The following LRRC53 variants were observed in gnomAD, a reference collection of about 807,000 sequenced individuals.
The protein encoded by LRRC53 is leucine rich repeat containing 53.
In LRRC53, 25 loss-of-function variants were observed where a neutral mutation model predicts 13.6. The ratio of observed to expected loss-of-function variants is 1.83; its 90% CI spans 1.34 to 2.56. The LOEUF is 2.56. LRRC53 is among the 30% of genes most tolerant of loss of function. LRRC53 has a pLI of 0.00. For missense variants in LRRC53, 527 were observed against 275.8 expected (o/e 1.91, Z -6.45); for synonymous variants, 204 against 109.8 (o/e 1.86, Z -5.37).
chr1:74,490,069 A>C (rs1011178784), intron 1 of LRRC53, among the ~76,000 whole-genome samples: 15 of 151,128 alleles, frequency 9.9e-5, no homozygotes, highest in Admixed American at 1.3e-4. Context: ...AAAAAAAAAA[A>C]AAAAAAACTC....
At chr1:74,481,007 A>C in intron 2 of LRRC53, 39 bp from the exon 3 acceptor site, 1 of 670,598 alleles carries the variant, frequency 1.5e-6, no homozygotes, top group Non-Finnish European at 2.8e-6. Flanking sequence ...CAGGGTACAC[A>C]TGAGTGGGAG....
chr1:74,507,423 T>C (rs1276398341), intron 1 of LRRC53, among the ~76,000 whole-genome samples: 2 of 152,144 alleles, frequency 1.3e-5, no homozygotes, highest in Non-Finnish European at 2.9e-5. Flanking sequence ...TGTATGTCAA[T>C]TGCCATACAC....
chr1:74,489,236 C>T, intron 1 of LRRC53: 1 of 1,611,686 alleles, frequency 6.2e-7, no homozygotes, highest in Non-Finnish European at 8.5e-7. Flanking sequence ...AAGAGTGTCT[C>T]TGCAACATTG....
intron 1 of LRRC53, among the ~76,000 whole-genome samples, chr1:74,484,721 A>G (rs1011093027): frequency 6.6e-6 from 1 of 152,172 alleles, no homozygotes; most frequent in Non-Finnish European, 1.5e-5. Context: ...AGAGTAGGGC[A>G]CAGAATCATA....
rs1389658965 is a variant in LRRC53 at position 74,470,670 on chromosome 1, A to G, written c.2952T>C (p.Asn984=). ...KPQISHQIVE[N]CIMDKEENDV... ...CATTTTCTTCCTTATCCATAATACA[A>G]TTTTCCACAATTTGATGTGATATTT... Residue 984 remains asparagine, a synonymous_variant, in exon 5 of 5, where the codon AAT becomes AAC. Coordinates refer to ENST00000294635, the MANE Select transcript of LRRC53 (RefSeq NM_001382280.1). 1.2e-5 allele frequency: 5 copies of G among 400,336 alleles called. No homozygotes were observed. In the East Asian group the frequency reaches 1.4e-4, roughly 11 times the overall value. 24.8% of individuals were successfully genotyped at this position (400,336 alleles called of 1,614,324 possible). A position where few individuals can be genotyped will look rare whatever the true frequency, so the allele number is the denominator to read the frequency against.
chr1:74,484,504 TAAATA>T, intron 1 of LRRC53, among the ~76,000 whole-genome samples: 1 of 152,188 alleles, frequency 6.6e-6, no homozygotes, highest in African/African-American at 2.4e-5. Flanking sequence ...TGCTCTAGAA[TAAATA>T]AAACAAGAAA....
Position 74,475,276 on chromosome 1 carries a change from T to A in LRRC53, c.1420+19A>T. 1 of 627,446 alleles carries A rather than the reference T, an allele frequency of 1.6e-6. No homozygotes were observed. Among genetic ancestry groups the A allele is most frequent in the Non-Finnish European group, 2.9e-6 (1 of 343,850 alleles). 38.9% of individuals were successfully genotyped at this position (627,446 alleles called of 1,614,324 possible). ...AAGAATTAAACGGAGTGGGATTTTC[T>A]AAAACAAGACAAACTCACCTTCTGT... On this transcript the variant is annotated intron_variant, in intron 4 of 4. Coordinates refer to ENST00000294635, the MANE Select transcript of LRRC53 (RefSeq NM_001382280.1).
At position 74,471,019 on chromosome 1, in the gene LRRC53, A is replaced by G. The variant is rs1667901016; in HGVS notation, c.2603T>C (p.Leu868Pro). ...STEQMEDATQ[L>P]ESKVLSYLAT... ...TAAATAACTAAGCACTTTTGATTCA[A>G]GCTGAGTTGCATCTTCCATTTGCTC... The change falls in exon 5 of 5, where the codon CTT (leucine) becomes CCT (proline). Residue 868 changes from leucine (L) to proline (P), a missense_variant. By Grantham distance (98) the Leu-to-Pro change is moderately conservative (BLOSUM62 -3). Transcript: ENST00000294635. 2.5e-6 allele frequency: 1 copy of G among 400,606 alleles called. No individual in the cohort carries two copies. The highest frequency in any genetic ancestry group is 4.4e-6 in the Non-Finnish European group (1 of 226,200). The allele number at this position is 400,606 out of a possible 1,614,324, so 24.8% of individuals were successfully genotyped here. A position where few individuals can be genotyped will look rare whatever the true frequency, so the allele number is the denominator to read the frequency against.
At chr1:74,482,748 T>C (rs1366465220) in intron 2 of LRRC53, among the ~76,000 whole-genome samples, 1 of 152,210 alleles carries the variant, frequency 6.6e-6, no homozygotes, top group African/African-American at 2.4e-5. Flanking sequence ...GCAAGCAATA[T>C]GTAATGAATA....
the LRRC53 span, among the ~76,000 whole-genome samples, chr1:74,532,558 C>T: frequency 1.5e-4 from 23 of 151,930 alleles, no homozygotes; most frequent in Middle Eastern, 6.8e-3. Flanking sequence ...ATGTGCCATG[C>T]TGGTGTGCTG....
chr1:74,509,240 G>A (rs554335604), intron 1 of LRRC53, among the ~76,000 whole-genome samples: 1 of 152,248 alleles, frequency 6.6e-6, no homozygotes, highest in African/African-American at 2.4e-5. Context: ...CCTCAGTCAA[G>A]TTGCCATTTG....
intron 1 of LRRC53, among the ~76,000 whole-genome samples, chr1:74,497,772 C>A (rs1030629670): frequency 6.6e-6 from 1 of 152,106 alleles, no homozygotes; most frequent in South Asian, 2.1e-4. Context: ...TGTAGAACTC[C>A]AATTCTAATT....
At chr1:74,530,978 A>C in the LRRC53 span, among the ~76,000 whole-genome samples, 1 of 152,120 alleles carries the variant, frequency 6.6e-6, no homozygotes, top group Non-Finnish European at 1.5e-5. Flanking sequence ...TTCTCACTGC[A>C]TTTTTCCTTA....
chr1:74,505,164 C>T (rs572409992), intron 1 of LRRC53, among the ~76,000 whole-genome samples: 1 of 152,122 alleles, frequency 6.6e-6, no homozygotes, highest in South Asian at 2.1e-4. Flanking sequence ...TTGGCAGTTG[C>T]GTGTGTGTAC....
chr1:74,506,332 G>A (rs1278239995), intron 1 of LRRC53, among the ~76,000 whole-genome samples: 1 of 152,136 alleles, frequency 6.6e-6, no homozygotes. Flanking sequence ...CTACAAATGA[G>A]AAACTGAAGC....
In LRRC53 at chr1:74,504,320, A is replaced by T. The variant is rs115142318; in HGVS notation, c.-27+8206T>A. On this transcript the variant is annotated intron_variant, in intron 1 of 4. Coordinates refer to ENST00000294635, the MANE Select transcript of LRRC53 (RefSeq NM_001382280.1). ...TTGTTTTTAGCTGCCTTGCTCTCTA[A>T]CGCCATCTAGCAGTCAGTTGCCAAA... 3.9e-3 allele frequency among the ~76,000 whole-genome samples: 599 copies of T among 152,260 alleles called. 7 individuals carry two copies. The highest frequency in any genetic ancestry group is 0.014 in the African/African-American group (584 of 41,556).
chr1:74,521,381 A>C, the LRRC53 span, among the ~76,000 whole-genome samples: 25 of 152,248 alleles, frequency 1.6e-4, no homozygotes, highest in African/African-American at 5.8e-4. Context: ...AAGTCACTTA[A>C]AACAATACCT....
At chr1:74,515,906 C>T (rs981825284), upstream of LRRC53, among the ~76,000 whole-genome samples, 1 of 152,172 alleles carries the variant, frequency 6.6e-6, no homozygotes, top group African/African-American at 2.4e-5. Flanking sequence ...CCCCATAGTG[C>T]CAGTTTACCT....
intron 1 of LRRC53, among the ~76,000 whole-genome samples, chr1:74,495,829 T>C (rs1017370356): frequency 6.6e-6 from 1 of 152,216 alleles, no homozygotes; most frequent in Non-Finnish European, 1.5e-5. Context: ...CAGTTTCTCC[T>C]GGAAGTCAAT....
Sources: allele counts gnomAD v4.1 joint callset (sites outside exome capture counted in the v4.1 genomes callset), GRCh38; gene constraint gnomAD v4.1.1; transcripts MANE v1.5; gene names NCBI Gene and HGNC (gene_info 2026-07-23, HGNC 2026-07-21).